The following TUNAR variants were observed in gnomAD, a reference collection of about 807,000 sequenced individuals.
TUNAR encodes the protein transmembrane neural differentiation associated intracellular calcium regulator.
At chr14:95,882,924 C>T (rs1022815661) in intron 2 of TUNAR, among the ~76,000 whole-genome samples, 4 of 152,184 alleles carry the variant, frequency 2.6e-5, no homozygotes, top group Non-Finnish European at 5.9e-5. Flanking sequence ...CCCCTGAGAG[C>T]ATCACGTGCA....
intron 2 of TUNAR, among the ~76,000 whole-genome samples, chr14:95,878,721 C>A (rs1346802230): frequency 6.6e-6 from 1 of 152,172 alleles, no homozygotes; most frequent in Non-Finnish European, 1.5e-5. Flanking sequence ...TCGAGCTGTG[C>A]TTAATAGATT....
intron 2 of TUNAR, among the ~76,000 whole-genome samples, chr14:95,892,280 G>T (rs1889191832): frequency 6.6e-6 from 1 of 152,364 alleles, no homozygotes; most frequent in East Asian, 1.9e-4. Flanking sequence ...TCCAGTAGGG[G>T]CTGTGCTCAT....
At chr14:95,906,868 G>A (rs1302087098) in intron 2 of TUNAR, among the ~76,000 whole-genome samples, 6 of 152,142 alleles carry the variant, frequency 3.9e-5, no homozygotes, top group African/African-American at 9.7e-5. Context: ...CCTCGCCATC[G>A]TGATCCTACC....
exon 3 of TUNAR, chr14:95,924,605 AG>A (rs1162556345): frequency 6.6e-6 from 1 of 152,244 alleles, no homozygotes; most frequent in East Asian, 1.9e-4. Context: ...GGAAGGTGAA[AG>A]GCACGTCTCA....
At chr14:95,911,149 TCC>T in intron 2 of TUNAR, among the ~76,000 whole-genome samples, 1 of 152,098 alleles carries the variant, frequency 6.6e-6, no homozygotes, top group Non-Finnish European at 1.5e-5. Flanking sequence ...AGTCCCCGCT[TCC>T]CCCTCCAGCC....
rs1004155350 is a variant in TUNAR, at chr14:95,900,883, G to A, written c.13-21898G>A. On this transcript the variant is annotated intron_variant, in intron 2 of 2. Transcript: ENST00000678517. ...ATTTTGTGGACAGGCAAACAGGCTC[G>A]TAAAGGACAGATGTAGCTCATTTAT... Among the ~76,000 whole-genome samples the A allele has an allele frequency of 2.0e-5, 3 of 152,316 alleles. No individual in the cohort carries two copies. In the East Asian group the frequency reaches 5.8e-4, roughly 29 times the overall value.
intron 2 of TUNAR, among the ~76,000 whole-genome samples, chr14:95,921,944 T>C (rs61314436): frequency 0.019 from 2,843 of 152,216 alleles, 109 homozygotes; most frequent in East Asian, 0.13. Context: ...TAATATTCCA[T>C]TGTAGAGACT....
chr14:95,909,485 G>T (rs992839816), intron 2 of TUNAR, among the ~76,000 whole-genome samples: 2 of 151,996 alleles, frequency 1.3e-5, no homozygotes, highest in Admixed American at 6.6e-5. Flanking sequence ...GGGTTTCACC[G>T]TGTTAACCAG....
At chr14:95,924,579 G>T (rs982376616) in exon 3 of TUNAR, 2 of 152,334 alleles carry the variant, frequency 1.3e-5, no homozygotes, top group Admixed American at 6.5e-5. Flanking sequence ...GGCTGAGGAG[G>T]CCTCACAATT....
At chr14:95,920,007 G>T (rs1034318612) in intron 2 of TUNAR, among the ~76,000 whole-genome samples, 8 of 152,202 alleles carry the variant, frequency 5.3e-5, no homozygotes, top group Non-Finnish European at 2.9e-5. Context: ...TTGAAGCAGT[G>T]AAAATGCCCA....
intron 2 of TUNAR, among the ~76,000 whole-genome samples, chr14:95,890,376 G>A (rs1415136265): frequency 6.6e-6 from 1 of 152,152 alleles, no homozygotes; most frequent in Admixed American, 6.5e-5. Flanking sequence ...CCCCAGTATG[G>A]CAGCCCCAAC....
At chr14:95,893,889 C>T (rs930626547) in intron 2 of TUNAR, among the ~76,000 whole-genome samples, 6 of 152,250 alleles carry the variant, frequency 3.9e-5, no homozygotes, top group African/African-American at 7.2e-5. Flanking sequence ...GGCACATGCC[C>T]GGTCTTTCTG....
chr14:95,893,574 C>G (rs113385780), intron 2 of TUNAR, among the ~76,000 whole-genome samples: 69 of 152,068 alleles, frequency 4.5e-4, no homozygotes, highest in Non-Finnish European at 8.5e-4. Flanking sequence ...GGATCCCCCC[C>G]ACCCCACTCC....
intron 2 of TUNAR, among the ~76,000 whole-genome samples, chr14:95,880,673 A>C (rs1011306820): frequency 6.6e-6 from 1 of 152,206 alleles, no homozygotes; most frequent in African/African-American, 2.4e-5. Context: ...CTTTAGTTAG[A>C]GCCTTGAACT....
At chr14:95,893,065 T>C (rs963584304) in intron 2 of TUNAR, among the ~76,000 whole-genome samples, 5 of 152,098 alleles carry the variant, frequency 3.3e-5, no homozygotes, top group African/African-American at 1.2e-4. Flanking sequence ...CTACTGAGTC[T>C]GCAGTGACCA....
At chr14:95,899,123 T>C (rs1423126955) in intron 2 of TUNAR, among the ~76,000 whole-genome samples, 1 of 152,200 alleles carries the variant, frequency 6.6e-6, no homozygotes, top group Non-Finnish European at 1.5e-5. Context: ...TGGCATCTCT[T>C]GGTAACTGGG....
chr14:95,913,087 A>G (rs58809433), intron 2 of TUNAR, among the ~76,000 whole-genome samples: 32,427 of 150,348 alleles, frequency 0.22, 4,675 homozygotes, highest in African/African-American at 0.4. Context: ...CACCGCGCCT[A>G]GCCGGGCATC....
intron 2 of TUNAR, among the ~76,000 whole-genome samples, chr14:95,910,059 C>T (rs1315576628): frequency 1.3e-5 from 2 of 152,176 alleles, no homozygotes; most frequent in Non-Finnish European, 2.9e-5. Context: ...ATTTAAATCG[C>T]AACTCGGTGT....
chr14:95,880,048 CCCGACT>C (rs1226307338), intron 2 of TUNAR, among the ~76,000 whole-genome samples: 1 of 152,152 alleles, frequency 6.6e-6, no homozygotes, highest in Non-Finnish European at 1.5e-5. Flanking sequence ...GGGGTTTATT[CCCGACT>C]CAGTTGTTCA....
Sources: allele counts gnomAD v4.1 joint callset (sites outside exome capture counted in the v4.1 genomes callset), GRCh38; gene constraint gnomAD v4.1.1; transcripts MANE v1.5; gene names NCBI Gene and HGNC (gene_info 2026-07-23, HGNC 2026-07-21).